FAM107B: variants seen among roughly 807,000 people sequenced by gnomAD.
FAM107B encodes protein FAM107B.
A neutral mutation model predicts 31.5 loss-of-function variants in FAM107B; 21 were observed. That is an observed-to-expected ratio of 0.67 (90% CI 0.47 to 0.96). The LOEUF is 0.96. Among genes scored for constraint, FAM107B ranks in the 40% least tolerant of loss-of-function variants. The pLI, the probability that FAM107B is intolerant of heterozygous loss-of-function variation, is 0.00. For synonymous variants in FAM107B, 157 were observed against 141.5 expected, an observed-to-expected ratio of 1.11 and a Z score of -0.78; for missense variants, 452 against 377.1, an observed-to-expected ratio of 1.20 and a Z score of -1.64.
At chr10:14,712,382 G>A (rs1206102749) in intron 1 of FAM107B, among the ~76,000 whole-genome samples, 7 of 151,988 alleles carry the variant, frequency 4.6e-5, no homozygotes, top group African/African-American at 7.3e-5. Flanking sequence ...TTTGAGGTTG[G>A]CAGTTCAAGA....
intron 2 of FAM107B, among the ~76,000 whole-genome samples, chr10:14,546,737 A>G (rs1848728994): frequency 6.6e-6 from 1 of 152,216 alleles, no homozygotes; most frequent in Non-Finnish European, 1.5e-5. Context: ...AGCATTCAGA[A>G]TGAAATTAAG....
intron 1 of FAM107B, among the ~76,000 whole-genome samples, chr10:14,691,893 CA>C (rs58734762): frequency 0.066 from 8,551 of 129,058 alleles, 459 homozygotes; most frequent in African/African-American, 0.16. Flanking sequence ...GACTCTGTCA[CA>C]AAAAAAAAAA....
At chr10:14,649,287 TAC>T (rs1162309008) in intron 2 of FAM107B, among the ~76,000 whole-genome samples, 3 of 152,240 alleles carry the variant, frequency 2.0e-5, no homozygotes, top group African/African-American at 7.2e-5. Flanking sequence ...TATCCCAAAA[TAC>T]ATTTCTTTGA....
At chr10:14,620,948 T>C (rs969069011) in intron 2 of FAM107B, among the ~76,000 whole-genome samples, 1 of 152,254 alleles carries the variant, frequency 6.6e-6, no homozygotes, top group African/African-American at 2.4e-5. Flanking sequence ...GTTTTGATGT[T>C]ATTGTAAATT....
chr10:14,759,647 G>A (rs138501646), intron 1 of FAM107B, among the ~76,000 whole-genome samples: 216 of 152,244 alleles, frequency 1.4e-3, no homozygotes, highest in African/African-American at 4.8e-3. Context: ...AATGTTTATT[G>A]AATAAATTAA....
chr10:14,604,217 G>A (rs1852509750), intron 2 of FAM107B: 4 of 979,758 alleles, frequency 4.1e-6, no homozygotes, highest in Non-Finnish European at 4.8e-6. Context: ...TGTGTGGAAA[G>A]TAAGTGCGGG....
chr10:14,594,473 C>T (rs1195045256), intron 2 of FAM107B, among the ~76,000 whole-genome samples: 1 of 139,792 alleles, frequency 7.2e-6, no homozygotes, highest in African/African-American at 2.6e-5. Context: ...TGCTGCACTC[C>T]AGCCTCCATG....
intron 1 of FAM107B, among the ~76,000 whole-genome samples, chr10:14,695,256 C>T (rs2768737): frequency 0.76 from 115,908 of 152,104 alleles, 44,736 homozygotes; most frequent in African/African-American, 0.87. Context: ...CTGAAGAGAC[C>T]CTCCTTTCCC....
chr10:14,694,335 C>T (rs190460612), intron 1 of FAM107B, among the ~76,000 whole-genome samples: 2 of 152,328 alleles, frequency 1.3e-5, no homozygotes, highest in East Asian at 1.9e-4. Context: ...TTCCCTTCCA[C>T]AGTACATAAG....
intron 2 of FAM107B, among the ~76,000 whole-genome samples, chr10:14,642,158 G>T (rs757329116): frequency 7.2e-5 from 11 of 152,208 alleles, no homozygotes; most frequent in Non-Finnish European, 1.3e-4. Flanking sequence ...AACCTAGCAA[G>T]GCAAATCCTA....
chr10:14,725,317 G>A (rs1856005282), intron 1 of FAM107B, among the ~76,000 whole-genome samples: 1 of 152,176 alleles, frequency 6.6e-6, no homozygotes, highest in Admixed American at 6.5e-5. Flanking sequence ...GAAGGGAATG[G>A]AGAAAGAGAT....
intron 1 of FAM107B, among the ~76,000 whole-genome samples, chr10:14,729,687 G>C (rs1012519554): frequency 6.6e-5 from 10 of 151,950 alleles, no homozygotes; most frequent in African/African-American, 2.2e-4. Context: ...CCCATTACTG[G>C]GTATATACCC....
intron 3 of FAM107B, 154 bp downstream of exon 3, chr10:14,530,178 A>C: frequency 1.2e-6 from 1 of 825,932 alleles, no homozygotes; most frequent in South Asian, 2.0e-5. Flanking sequence ...ACGGAGGGGT[A>C]ACCCGGTTCT....
intron 2 of FAM107B, among the ~76,000 whole-genome samples, chr10:14,611,266 C>G (rs1852716661): frequency 6.6e-6 from 1 of 152,040 alleles, no homozygotes; most frequent in Non-Finnish European, 1.5e-5. Flanking sequence ...AGTAAACAAA[C>G]CATCTCTGCA....
Position 14,646,929 on chromosome 10 carries a change from G to A in FAM107B, c.469+20705C>T, listed in dbSNP as rs373628826. Among the ~76,000 whole-genome samples the A allele has an allele frequency of 1.4e-3, 220 of 151,842 alleles. 1 individual carries two copies. Among genetic ancestry groups the A allele is most frequent in the Middle Eastern group, 6.8e-3 (2 of 292 alleles). ...CTGCCTCAGTCTCCCAAGTAGCTGG[G>A]ACTATAGGCACCCACCACCAGGCCT... On this transcript the variant is annotated intron_variant, in intron 2 of 4. Transcript: ENST00000181796.
chr10:14,694,666 G>A (rs769383422), intron 1 of FAM107B, among the ~76,000 whole-genome samples: 35 of 152,288 alleles, frequency 2.3e-4, no homozygotes, highest in Non-Finnish European at 4.3e-4. Flanking sequence ...TTACAGGCGC[G>A]GGACACCGTG....
At chr10:14,596,113 T>A (rs992860648) in intron 2 of FAM107B, among the ~76,000 whole-genome samples, 1 of 152,146 alleles carries the variant, frequency 6.6e-6, no homozygotes, top group African/African-American at 2.4e-5. Flanking sequence ...GGCCATTCCT[T>A]CCATAGCAAG....
chr10:14,586,366 T>C (rs982769944), intron 2 of FAM107B, among the ~76,000 whole-genome samples: 6 of 152,236 alleles, frequency 3.9e-5, no homozygotes, highest in Middle Eastern at 3.4e-3. Flanking sequence ...TGCCTGCCCA[T>C]AGACTTGAAG....
At chr10:14,708,130 T>C (rs1855562046) in intron 1 of FAM107B, among the ~76,000 whole-genome samples, 1 of 152,064 alleles carries the variant, frequency 6.6e-6, no homozygotes, top group African/African-American at 2.4e-5. Context: ...CAGGCTATAG[T>C]GAAGTGGCAC....
Sources: gnomAD v4.1 joint callset for allele counts (sites outside exome capture counted in the v4.1 genomes callset) on GRCh38, gnomAD v4.1.1 for gene constraint, MANE v1.5 for transcripts, NCBI Gene and HGNC (gene_info 2026-07-23, HGNC 2026-07-21) for gene names.